Variants in PDE8B observed in about 807,000 individuals in gnomAD.
PDE8B encodes the protein phosphodiesterase 8B.
PDE8B carries 26 observed loss-of-function variants against 101.3 expected under a neutral mutation model. The ratio of observed to expected loss-of-function variants is 0.26; its 90% confidence interval spans 0.19 to 0.36. PDE8B has a LOEUF of 0.36. PDE8B is among the 10% of genes least tolerant of loss of function. The pLI is 1.00. For synonymous variants in PDE8B, 424 were observed against 429.3 expected (o/e 0.99, Z 0.15); for missense variants, 810 against 1,163.1 (o/e 0.70, Z 4.42).
At chr5:77,357,077 C>A (rs1459298934) in intron 10 of PDE8B, among the ~76,000 whole-genome samples, 1 of 152,118 alleles carries the variant, frequency 6.6e-6, no homozygotes, top group African/African-American at 2.4e-5. Flanking sequence ...AATGTCTTTG[C>A]GGGGAGATGC....
At chr5:77,123,621 T>C in the PDE8B span, among the ~76,000 whole-genome samples, 1 of 152,028 alleles carries the variant, frequency 6.6e-6, no homozygotes, top group Non-Finnish European at 1.5e-5. Context: ...TAGCTGGGTG[T>C]GGTGGTGCAC....
chr5:77,361,717 T>G, intron 10 of PDE8B, among the ~76,000 whole-genome samples: 1 of 152,270 alleles, frequency 6.6e-6, no homozygotes, highest in South Asian at 2.1e-4. Context: ...GGTTTCACTA[T>G]GTTGGCCAGG....
the PDE8B span, among the ~76,000 whole-genome samples, chr5:77,171,512 C>G: frequency 6.6e-6 from 1 of 152,288 alleles, no homozygotes; most frequent in African/African-American, 2.4e-5. Context: ...TCTGTGTATG[C>G]TGGGAGTAGT....
intron 1 of PDE8B, among the ~76,000 whole-genome samples, chr5:77,278,349 T>C (rs1764242679): frequency 6.6e-6 from 1 of 152,204 alleles, no homozygotes; most frequent in East Asian, 1.9e-4. Context: ...TTGCTCAGGA[T>C]ATCCATTTTA....
intron 1 of PDE8B, among the ~76,000 whole-genome samples, chr5:77,265,807 T>C (rs1195478712): frequency 1.3e-5 from 2 of 152,256 alleles, no homozygotes; most frequent in Admixed American, 6.5e-5. Flanking sequence ...TTTATTTCAA[T>C]ATTAAATATC....
At chr5:77,366,159 A>G (rs558220692) in intron 10 of PDE8B, among the ~76,000 whole-genome samples, 7 of 152,002 alleles carry the variant, frequency 4.6e-5, no homozygotes, top group African/African-American at 1.7e-4. Flanking sequence ...TGTGAGTGGG[A>G]TTTATACAGT....
chr5:77,245,932 G>A (rs1045401165), intron 1 of PDE8B, among the ~76,000 whole-genome samples: 1 of 139,962 alleles, frequency 7.1e-6, no homozygotes. Context: ...GCTCACTGTA[G>A]CCTTACCTCC....
At chr5:77,168,289 C>T in the PDE8B span, among the ~76,000 whole-genome samples, 2 of 152,230 alleles carry the variant, frequency 1.3e-5, no homozygotes, top group Admixed American at 1.3e-4. Flanking sequence ...CATCCAGTTG[C>T]CTGCTCTTCA....
chr5:77,192,389 A>G, the PDE8B span, among the ~76,000 whole-genome samples: 2 of 152,052 alleles, frequency 1.3e-5, no homozygotes. Context: ...ACTAGACTAG[A>G]GTTGTCTGTT....
chr5:77,213,341 G>A (rs1397823934), intron 1 of PDE8B, among the ~76,000 whole-genome samples: 2 of 152,190 alleles, frequency 1.3e-5, no homozygotes, highest in African/African-American at 2.4e-5. Flanking sequence ...GCATTGTGTG[G>A]ATCTCAGAAA....
At chr5:77,149,764 G>A in the PDE8B span, among the ~76,000 whole-genome samples, 1 of 152,086 alleles carries the variant, frequency 6.6e-6, no homozygotes, top group African/African-American at 2.4e-5. Flanking sequence ...TAGATTCCTT[G>A]GTGTTTTCTA....
chr5:77,202,326 G>A, the PDE8B span, among the ~76,000 whole-genome samples: 1 of 152,116 alleles, frequency 6.6e-6, no homozygotes, highest in Non-Finnish European at 1.5e-5. Context: ...AACTGTGTGG[G>A]TTCACTTTCA....
intron 1 of PDE8B, among the ~76,000 whole-genome samples, chr5:77,310,341 G>A (rs1772310302): frequency 6.6e-6 from 1 of 152,356 alleles, no homozygotes; most frequent in South Asian, 2.1e-4. Flanking sequence ...CTTGGGAGTG[G>A]AGCTGGGTGA....
intron 1 of PDE8B, among the ~76,000 whole-genome samples, chr5:77,248,620 C>A (rs1757446948): frequency 6.6e-6 from 1 of 152,190 alleles, no homozygotes; most frequent in Non-Finnish European, 1.5e-5. Context: ...AACAACACAT[C>A]AGATGCACTT....
the PDE8B span, among the ~76,000 whole-genome samples, chr5:77,193,951 A>G: frequency 6.6e-6 from 1 of 152,194 alleles, no homozygotes; most frequent in African/African-American, 2.4e-5. Flanking sequence ...TTGCTGGTAT[A>G]TAGAATACAA....
chr5:77,373,704 A>T (rs1785505567), intron 10 of PDE8B, among the ~76,000 whole-genome samples: 1 of 152,280 alleles, frequency 6.6e-6, no homozygotes, highest in South Asian at 2.1e-4. Flanking sequence ...TTGAAATATA[A>T]TTTACGTACC....
intron 6 of PDE8B, among the ~76,000 whole-genome samples, chr5:77,338,336 C>G (rs1778565559): frequency 6.6e-6 from 1 of 152,148 alleles, no homozygotes; most frequent in South Asian, 2.1e-4. Context: ...AGCAGGTTCC[C>G]CTGGGGTGCA....
chr5:77,291,333 G>A, intron 1 of PDE8B: 1 of 1,612,632 alleles, frequency 6.2e-7, no homozygotes, highest in Non-Finnish European at 8.5e-7. Flanking sequence ...GTTTCTTGGA[G>A]CAGCGGAAGA....
At chr5:77,398,576 C>G (rs1791574589) in intron 10 of PDE8B, among the ~76,000 whole-genome samples, 1 of 152,168 alleles carries the variant, frequency 6.6e-6, no homozygotes, top group Non-Finnish European at 1.5e-5. Flanking sequence ...CCGCTTTGGC[C>G]TCCCAAAGTG....
Sources: gnomAD v4.1 joint callset for allele counts (sites outside exome capture counted in the v4.1 genomes callset) on GRCh38, gnomAD v4.1.1 for gene constraint, MANE v1.5 for transcripts, NCBI Gene and HGNC (gene_info 2026-07-23, HGNC 2026-07-21) for gene names.